The following SFI1 variants were observed in gnomAD, a reference collection of about 807,000 sequenced individuals.
SFI1 encodes protein SFI1 homolog.
SFI1 carries 195 observed loss-of-function variants against 207.5 expected under a neutral mutation model. That is an observed-to-expected ratio of 0.94 (90% CI 0.84 to 1.06). The LOEUF (loss-of-function observed/expected upper bound fraction) is 1.06, where lower values mean the gene tolerates loss of function less well. Among genes scored for constraint, SFI1 ranks in the 50% least tolerant of loss-of-function variants. The pLI is 0.00. For synonymous variants in SFI1, 630 were observed against 598.9 expected, an observed-to-expected ratio of 1.05 and a Z score of -0.76; for missense variants, 1,634 against 1,588.0, an observed-to-expected ratio of 1.03 and a Z score of -0.49.
chr22:31,613,283 G>A (rs2070718447), intron 25 of SFI1, 67 bp downstream of exon 25: 2 of 1,607,968 alleles, frequency 1.2e-6, no homozygotes, highest in Admixed American at 3.3e-5. Context: ...CTTGGGTGGA[G>A]GGAGGGCACC....
intron 1 of SFI1, among the ~76,000 whole-genome samples, chr22:31,507,169 T>C (rs5753665): frequency 0.22 from 33,079 of 151,974 alleles, 4,603 homozygotes; most frequent in East Asian, 0.44. Context: ...CATAGACTAA[T>C]GGAACAGAAT....
intron 8 of SFI1, among the ~76,000 whole-genome samples, chr22:31,569,847 G>A (rs1323417283): frequency 2.0e-5 from 3 of 151,786 alleles, no homozygotes; most frequent in East Asian, 1.9e-4. Flanking sequence ...TACTCAGGAG[G>A]CTAAGTGGGA....
In SFI1 at chr22:31,564,814, A is replaced by ATTTTTTTTTTTTT. The variant is rs776647555; in HGVS notation, c.765+3427_765+3439dup. On this transcript the variant is annotated intron_variant, in intron 8 of 32. Transcript: ENST00000400288. The stretch of plus-strand genomic sequence containing the variant: ...CATGAGCCACCATGCCTGGCCCAGA[A>ATTTTTTTTTTTTT]TTTTTTTTTTTTTTTTTGAGACGGA... Among the ~76,000 whole-genome samples the ATTTTTTTTTTTTT allele has an allele frequency of 1.8e-4, 20 of 111,906 alleles. 1 individual carries two copies. Among genetic ancestry groups the ATTTTTTTTTTTTT allele is most frequent in the East Asian group, 5.6e-4 (2 of 3,572 alleles). 73.4% of individuals were successfully genotyped at this position (111,906 alleles called of 152,430 possible).
intron 12 of SFI1, among the ~76,000 whole-genome samples, chr22:31,580,676 G>A (rs774959654): frequency 6.6e-5 from 10 of 151,318 alleles, no homozygotes; most frequent in Non-Finnish European, 1.3e-4. Context: ...TTGAGTAGCT[G>A]GGATTACAGG....
rs912346935 is a variant in SFI1, at chr22:31,597,503, C to A, written c.1545-4709C>A. Among the ~76,000 whole-genome samples the A allele has an allele frequency of 1.1e-4, 16 of 152,140 alleles. 1 individual carries two copies. Among genetic ancestry groups the A allele is most frequent in the Non-Finnish European group, 2.1e-4 (14 of 68,034 alleles). ...GCTCTGTCGCCTGCCAGCTCTGTGACCCTGGACAAGTCAGTCTGTCTCTCT... is the reference window on the plus strand; with the variant it reads ...GCTCTGTCGCCTGCCAGCTCTGTGAACCTGGACAAGTCAGTCTGTCTCTCT... On this transcript the variant is annotated intron_variant, in intron 15 of 32. Coordinates refer to ENST00000400288, the MANE Select transcript of SFI1 (RefSeq NM_001007467.3).
At chr22:31,602,098 C>T (rs2068212879) in intron 15 of SFI1, 114 bp from the exon 16 acceptor site, 6 of 890,552 alleles carry the variant, frequency 6.7e-6, no homozygotes, top group Non-Finnish European at 1.1e-5. Flanking sequence ...TAATTCACCT[C>T]TTATACGATA....
chr22:31,603,151 T>C (rs1416244097), intron 17 of SFI1, among the ~76,000 whole-genome samples: 3 of 152,156 alleles, frequency 2.0e-5, no homozygotes, highest in Admixed American at 1.3e-4. Flanking sequence ...GAAATTGGCA[T>C]GAACCCGGGA....
intron 8 of SFI1, among the ~76,000 whole-genome samples, chr22:31,570,122 CAATAAATAAATA>C (rs59801672): frequency 4.1e-5 from 6 of 146,710 alleles, no homozygotes; most frequent in African/African-American, 1.0e-4. Context: ...GAGACTCTGT[CAATAAATAAATA>C]AATAAATAAA....
At chr22:31,545,510 ATTT>A (rs747099863) in intron 4 of SFI1, among the ~76,000 whole-genome samples, 1 of 151,028 alleles carries the variant, frequency 6.6e-6, no homozygotes, top group Non-Finnish European at 1.5e-5. Flanking sequence ...ATTGTCACAC[ATTT>A]TTTTTTCTTA....
chr22:31,583,904 G>A lies in SFI1; in HGVS notation c.1278G>A (p.Arg426=). The A allele has an allele frequency of 6.2e-7, 1 of 1,614,128 alleles. No individual in the cohort carries two copies. Among genetic ancestry groups the A allele is most frequent in the Non-Finnish European group, 8.5e-7 (1 of 1,180,034 alleles). The change falls in exon 13 of 33, where the codon CGG becomes CGA. Residue 426 remains arginine (R), a synonymous_variant. Coordinates refer to ENST00000400288, the MANE Select transcript of SFI1 (RefSeq NM_001007467.3). ...TGCACAGGTTCTGGAACCTCTGGCG[G>A]TCTCAGATTGAGCAGAAAAAGGAAA... ...TLLHRFWNLW[R]SQIEQKKERE...
chr22:31,611,672 T>C, intron 23 of SFI1, 94 bp from the exon 24 acceptor site: 11 of 1,273,404 alleles, frequency 8.6e-6, no homozygotes, highest in Non-Finnish European at 1.2e-5. Context: ...TGGGAGGACA[T>C]TCAGCTGGGC....
chr22:31,605,071 T>C, intron 20 of SFI1, 126 bp downstream of exon 20: 2 of 787,402 alleles, frequency 2.5e-6, no homozygotes, highest in Non-Finnish European at 3.9e-6. Context: ...GTCGCTAATA[T>C]CATGGTCTTG....
At chr22:31,609,690 G>T (rs1219048865) in intron 22 of SFI1, among the ~76,000 whole-genome samples, 1 of 152,216 alleles carries the variant, frequency 6.6e-6, no homozygotes, top group African/African-American at 2.4e-5. Context: ...CCACACGGCT[G>T]CATTACTGCG....
intron 6 of SFI1, among the ~76,000 whole-genome samples, chr22:31,554,823 TAAAC>T (rs1258001798): frequency 1.3e-5 from 2 of 152,140 alleles, no homozygotes; most frequent in African/African-American, 4.8e-5. Flanking sequence ...AAAGTTCTCT[TAAAC>T]ACTAACTATA....
At position 31,496,892 on chromosome 22, in the gene SFI1, T is replaced by A. The variant is rs2052745171; in HGVS notation, c.-31+255T>A. 3.9e-5 allele frequency among the ~76,000 whole-genome samples: 6 copies of A among 152,244 alleles called. No individual in the cohort carries two copies. In the South Asian group the frequency reaches 1.2e-3, roughly 31 times the overall value. On this transcript the variant is annotated intron_variant, in intron 1 of 32. Coordinates refer to ENST00000400288, the MANE Select transcript of SFI1 (RefSeq NM_001007467.3). ...CCCGCCGCGTCTTCTCGGCTTCTTGTCTTCCGCCCTGGGGGCACCGCATCC... is the reference window on the plus strand; with the variant it reads ...CCCGCCGCGTCTTCTCGGCTTCTTGACTTCCGCCCTGGGGGCACCGCATCC...
chr22:31,572,969 G>C (rs542006937), intron 8 of SFI1, 89 bp from the exon 9 acceptor site: 16 of 1,346,296 alleles, frequency 1.2e-5, no homozygotes, highest in African/African-American at 1.5e-5. Context: ...CCTTTCCAGC[G>C]TGTGTGCCTT....
intron 8 of SFI1, among the ~76,000 whole-genome samples, chr22:31,567,751 A>G (rs1250356813): frequency 6.6e-6 from 1 of 152,242 alleles, no homozygotes; most frequent in Admixed American, 6.5e-5. Context: ...TATATTTTAT[A>G]TAATTACAAA....
At chr22:31,531,270 A>G (rs530459322) in intron 4 of SFI1, 141 bp downstream of exon 4, 9 of 633,748 alleles carry the variant, frequency 1.4e-5, no homozygotes, top group South Asian at 1.2e-4. Flanking sequence ...AGTCCCTAAT[A>G]TAACCATGTA....
intron 20 of SFI1, chr22:31,605,197 T>G (rs2068762657): frequency 3.1e-6 from 1 of 327,438 alleles, no homozygotes; most frequent in East Asian, 4.8e-5. Context: ...TGTCTTGCTC[T>G]TCTGAGCACT....
Sources: allele counts gnomAD v4.1 joint callset (sites outside exome capture counted in the v4.1 genomes callset), GRCh38; gene constraint gnomAD v4.1.1; transcripts MANE v1.5; gene names NCBI Gene and HGNC (gene_info 2026-07-23, HGNC 2026-07-21).